Variants in COMMD10 observed in about 807,000 individuals in gnomAD.
COMMD10 encodes COMM domain containing 10, also known as COMM domain-containing protein 10.
Under a neutral mutation model 28.9 loss-of-function variants are expected in COMMD10, and 33 were observed. The observed-to-expected ratio is 1.14, with a 90% CI of 0.87 to 1.53. COMMD10 has a LOEUF of 1.53. COMMD10 is among the 40% of genes most tolerant of loss of function. The pLI, the probability that COMMD10 is intolerant of heterozygous loss-of-function variation, is 0.00. For synonymous variants in COMMD10, 110 were observed against 81.7 expected, an observed-to-expected ratio of 1.35 and a Z score of -1.87; for missense variants, 310 against 233.4, an observed-to-expected ratio of 1.33 and a Z score of -2.14.
intron 5 of COMMD10, chr5:116,255,791 CT>C (rs1322431369): frequency 6.6e-6 from 1 of 150,892 alleles, no homozygotes; most frequent in Non-Finnish European, 1.5e-5. Flanking sequence ...TGAGTGCTTA[CT>C]TTTTCGGGTT....
At chr5:116,165,693 T>A (rs1406458564) in intron 5 of COMMD10, among the ~76,000 whole-genome samples, 1 of 150,126 alleles carries the variant, frequency 6.7e-6, no homozygotes, top group African/African-American at 2.5e-5. Context: ...TCTTATTGTT[T>A]CTTTTTCTTT....
At chr5:116,213,320 G>A (rs1749015085) in intron 5 of COMMD10, among the ~76,000 whole-genome samples, 1 of 152,112 alleles carries the variant, frequency 6.6e-6, no homozygotes, top group Non-Finnish European at 1.5e-5. Context: ...TTGAGTTCTT[G>A]TTACTTCACA....
chr5:116,101,967 G>C (rs1447231538), intron 4 of COMMD10, among the ~76,000 whole-genome samples: 1 of 152,116 alleles, frequency 6.6e-6, no homozygotes, highest in South Asian at 2.1e-4. Flanking sequence ...TTGGTCCTCT[G>C]TCAGGTGCAT....
chr5:116,144,819 C>G (rs1302315065), intron 5 of COMMD10, among the ~76,000 whole-genome samples: 3 of 151,606 alleles, frequency 2.0e-5, no homozygotes, highest in African/African-American at 7.3e-5. Flanking sequence ...AGGTAACTTT[C>G]GGAAATAGGA....
At chr5:116,121,986 A>G (rs144832509) in intron 4 of COMMD10, among the ~76,000 whole-genome samples, 1 of 152,250 alleles carries the variant, frequency 6.6e-6, no homozygotes, top group Non-Finnish European at 1.5e-5. Flanking sequence ...CTTTAGTTTA[A>G]TTAGATTCCA....
intron 5 of COMMD10, among the ~76,000 whole-genome samples, chr5:116,263,467 C>G (rs897426098): frequency 1.3e-5 from 2 of 151,812 alleles, no homozygotes; most frequent in Non-Finnish European, 2.9e-5. Context: ...AAATCCACAT[C>G]TTATAGAGAA....
At chr5:116,149,726 G>C (rs1342456319) in intron 5 of COMMD10, among the ~76,000 whole-genome samples, 1 of 146,340 alleles carries the variant, frequency 6.8e-6, no homozygotes, top group East Asian at 2.0e-4. Flanking sequence ...TTGTAAATTT[G>C]TTTGAGTTCA....
intron 4 of COMMD10, among the ~76,000 whole-genome samples, chr5:116,123,237 A>C (rs974027936): frequency 6.6e-6 from 1 of 151,794 alleles, no homozygotes; most frequent in Non-Finnish European, 1.5e-5. Context: ...TAATACCTCT[A>C]ATACCATCGA....
chr5:116,185,900 T>A (rs1431462901), intron 5 of COMMD10, among the ~76,000 whole-genome samples: 1 of 152,132 alleles, frequency 6.6e-6, no homozygotes, highest in Non-Finnish European at 1.5e-5. Flanking sequence ...TCTTTTCCCA[T>A]TAGTCTTCTC....
chr5:116,178,100 G>A (rs888635324), intron 5 of COMMD10, among the ~76,000 whole-genome samples: 7 of 152,038 alleles, frequency 4.6e-5, no homozygotes, highest in Non-Finnish European at 8.8e-5. Flanking sequence ...TTTTCCTAAT[G>A]TTTAGGTATT....
intron 5 of COMMD10, among the ~76,000 whole-genome samples, chr5:116,166,475 T>G (rs10077113): frequency 1.3e-5 from 2 of 151,970 alleles, no homozygotes; most frequent in Admixed American, 1.3e-4. Context: ...TGCTGTGCGT[T>G]TAGCCCTCAA....
At chr5:116,143,144 T>A (rs1272450799) in intron 5 of COMMD10, among the ~76,000 whole-genome samples, 1 of 150,470 alleles carries the variant, frequency 6.6e-6, no homozygotes, top group Non-Finnish European at 1.5e-5. Context: ...GGTATATTGA[T>A]ACAAATCATA....
At chr5:116,131,483 C>A (rs1376396034) in intron 4 of COMMD10, among the ~76,000 whole-genome samples, 4 of 151,828 alleles carry the variant, frequency 2.6e-5, no homozygotes, top group Non-Finnish European at 4.4e-5. Flanking sequence ...AGTCCTGCCT[C>A]CTACCAAAGC....
At chr5:116,141,410 C>A (rs942333232) in intron 5 of COMMD10, among the ~76,000 whole-genome samples, 1 of 151,296 alleles carries the variant, frequency 6.6e-6, no homozygotes, top group African/African-American at 2.4e-5. Context: ...TTATTCCATG[C>A]GAATTTTAGA....
rs573147512 is a variant in COMMD10 at position 116,288,032 on chromosome 5, A to T, written c.511-3485A>T. Among the ~76,000 whole-genome samples the T allele has an allele frequency of 4.2e-4, 64 of 151,748 alleles. 1 individual carries two copies. Among genetic ancestry groups the T allele is most frequent in the Non-Finnish European group, 8.5e-4 (58 of 67,980 alleles). ...TGTATTTACCTTTATTGAGAACCTT[A>T]TATTTTTATACAGCTTTGTGTTTTT... is the stretch of plus-strand genomic sequence containing the variant. On this transcript the variant is annotated intron_variant, in intron 5 of 6. Coordinates refer to ENST00000274458, the MANE Select transcript of COMMD10 (RefSeq NM_016144.4).
At chr5:116,210,077 G>A (rs1412103504) in intron 5 of COMMD10, among the ~76,000 whole-genome samples, 1 of 151,902 alleles carries the variant, frequency 6.6e-6, no homozygotes, top group Non-Finnish European at 1.5e-5. Flanking sequence ...GAAAAAATCG[G>A]GGCCAAACTT....
At chr5:116,146,962 C>A (rs147542278) in intron 5 of COMMD10, among the ~76,000 whole-genome samples, 1 of 151,900 alleles carries the variant, frequency 6.6e-6, no homozygotes, top group Non-Finnish European at 1.5e-5. Context: ...AATGCCATGT[C>A]CATATTTTAA....
chr5:116,244,660 C>CAAAAAAAAAAAAAAAAA (rs60360733), intron 5 of COMMD10, among the ~76,000 whole-genome samples: 1 of 79,484 alleles, frequency 1.3e-5, no homozygotes, highest in Non-Finnish European at 3.0e-5. Context: ...AAAAAAATTA[C>CAAAAAAAAAAAAAAAAA]AAAAAAAAAA....
At chr5:116,142,435 T>A (rs1386846392) in intron 5 of COMMD10, among the ~76,000 whole-genome samples, 2 of 151,740 alleles carry the variant, frequency 1.3e-5, no homozygotes, top group East Asian at 3.9e-4. Flanking sequence ...CTTCTTAGGA[T>A]TTAGGGTTAT....
Sources: gnomAD v4.1 joint callset for allele counts (sites outside exome capture counted in the v4.1 genomes callset) on GRCh38, gnomAD v4.1.1 for gene constraint, MANE v1.5 for transcripts, NCBI Gene and HGNC (gene_info 2026-07-23, HGNC 2026-07-21) for gene names.